NINL: variants seen among roughly 807,000 people sequenced by gnomAD.
NINL encodes the protein ninein-like protein.
Under a neutral mutation model 160.3 loss-of-function variants are expected in NINL, and 153 were observed. The observed-to-expected ratio is 0.95, with a 90% CI of 0.84 to 1.09. The LOEUF (loss-of-function observed/expected upper bound fraction) is 1.09. Ranked by LOEUF, NINL falls within the 50% of genes least tolerant of loss-of-function variation. NINL has a pLI of 0.00. For synonymous variants in NINL, 800 were observed against 734.8 expected, an observed-to-expected ratio of 1.09 and a Z score of -1.43; for missense variants, 1,829 against 1,764.0, an observed-to-expected ratio of 1.04 and a Z score of -0.66.
intron 5 of NINL, among the ~76,000 whole-genome samples, chr20:25,505,820 TGG>T (rs1374190528): frequency 6.6e-6 from 1 of 152,128 alleles, no homozygotes; most frequent in Non-Finnish European, 1.5e-5. Flanking sequence ...TGGAATTAGG[TGG>T]TTGGTACATG....
intron 1 of NINL, among the ~76,000 whole-genome samples, chr20:25,546,161 C>T (rs1230943114): frequency 1.3e-5 from 2 of 152,080 alleles, no homozygotes; most frequent in Non-Finnish European, 2.9e-5. Context: ...CCCCAGGCCA[C>T]GGTCAATCAT....
intron 7 of NINL, among the ~76,000 whole-genome samples, chr20:25,503,623 C>T (rs553443924): frequency 6.6e-6 from 1 of 152,274 alleles, no homozygotes; most frequent in East Asian, 1.9e-4. Context: ...CCTGAGCTGC[C>T]ATGTTCCTCA....
rs1044919418 is a variant in NINL, at chr20:25,563,100, A to G, written c.-12+22355T>C. ...AGAATGGCGTGAACCTGGGAGGTGG[A>G]GCTTGGAGTGAGCCAAGATGGCGCC... On this transcript the variant is annotated intron_variant, in intron 1 of 23. Transcript: ENST00000278886. 2.0e-5 allele frequency among the ~76,000 whole-genome samples: 3 copies of G among 152,220 alleles called. No homozygotes were observed. In the South Asian group the frequency reaches 6.2e-4, roughly 32 times the overall value.
chr20:25,499,356 G>T, intron 8 of NINL: 2 of 473,510 alleles, frequency 4.2e-6, no homozygotes, highest in South Asian at 8.9e-5. Flanking sequence ...ATCATGAAGC[G>T]AGGGAGAAGC....
intron 1 of NINL, among the ~76,000 whole-genome samples, chr20:25,582,152 G>C (rs1263047831): frequency 6.6e-6 from 1 of 152,162 alleles, no homozygotes; most frequent in Non-Finnish European, 1.5e-5. Context: ...CTACTCAGGA[G>C]GCTGAGGCAG....
In NINL at chr20:25,528,412, A is replaced by C. The variant is rs141058574; in HGVS notation, c.-11-1814T>G. On this transcript the variant is annotated intron_variant, in intron 1 of 23. Coordinates refer to ENST00000278886, the MANE Select transcript of NINL (RefSeq NM_025176.6). ...AAACTTTATAATAATAGTAATAACT[A>C]ATCTACTTACTGGTCACTTTACATA... 2.8e-3 allele frequency among the ~76,000 whole-genome samples: 419 copies of C among 152,326 alleles called. 2 individuals carry two copies. Among genetic ancestry groups the C allele is most frequent in the Middle Eastern group, 6.8e-3 (2 of 294 alleles).
At chr20:25,478,305 G>A (rs920534437) in intron 16 of NINL, among the ~76,000 whole-genome samples, 22 of 152,258 alleles carry the variant, frequency 1.4e-4, no homozygotes, top group Admixed American at 1.3e-4. Context: ...GGGAGGGCCC[G>A]TCCTCTTCTA....
chr20:25,463,811 T>C (rs2062847369), intron 19 of NINL, among the ~76,000 whole-genome samples: 1 of 152,204 alleles, frequency 6.6e-6, no homozygotes, highest in Non-Finnish European at 1.5e-5. Flanking sequence ...TTACTCAAGA[T>C]TAGGGAGTCC....
rs771586359 is a variant in NINL at position 25,476,967 on chromosome 20, C to G, written c.2324G>C (p.Arg775Thr). The change falls in exon 17 of 24, where the codon AGG becomes ACG. Residue 775 changes from arginine (R) to threonine (T), a missense_variant. Arg to Thr is a moderately conservative substitution (Grantham distance 71, BLOSUM62 -1). Coordinates refer to ENST00000278886, the MANE Select transcript of NINL (RefSeq NM_025176.6). ...PQGPLPRGSQ[R>T]SEQLELERAL... ...CCTCTCCAGCTCCAGCTGCTCCGAC[C>G]TCTGGCTCCCGCGTGGCAGGGGTCC... is the stretch of plus-strand genomic sequence containing the variant. The G allele has an allele frequency of 1.5e-5, 24 of 1,607,976 alleles. No homozygotes were observed. Among genetic ancestry groups the G allele is most frequent in the Admixed American group, 6.7e-5 (4 of 59,976 alleles).
chr20:25,490,877 A>G (rs984732361), intron 11 of NINL, among the ~76,000 whole-genome samples: 14 of 151,948 alleles, frequency 9.2e-5, no homozygotes, highest in African/African-American at 3.1e-4. Flanking sequence ...AAGGGCCAGC[A>G]CCTCTGTCCC....
intron 1 of NINL, among the ~76,000 whole-genome samples, chr20:25,548,702 G>T (rs1444143371): frequency 9.9e-6 from 1 of 101,008 alleles, no homozygotes; most frequent in African/African-American, 3.9e-5. Context: ...AGCCCCACCC[G>T]GGGCTGACCC....
intron 12 of NINL, among the ~76,000 whole-genome samples, chr20:25,489,554 C>T (rs73335331): frequency 0.021 from 3,119 of 152,042 alleles, 110 homozygotes; most frequent in African/African-American, 0.069. Flanking sequence ...ATCCCTGGAG[C>T]CCAGACCCTG....
At chr20:25,496,983 T>C (rs1411868073) in intron 9 of NINL, among the ~76,000 whole-genome samples, 180 bp from the exon 10 acceptor site, 1 of 152,202 alleles carries the variant, frequency 6.6e-6, no homozygotes, top group Admixed American at 6.5e-5. Flanking sequence ...GCTCATTTTA[T>C]AGATGTGTAC....
rs527628058 is a variant in NINL at position 25,461,637 on chromosome 20, T to G, written c.3583-2A>C. ...TCTAAGTTTTTGGATTTGGTCACTC[T>G]GTTTTTAAAAAATCAATTGCACAAG... is the stretch of plus-strand genomic sequence containing the variant. On this transcript the variant is annotated splice_acceptor_variant, in intron 20 of 23. Coordinates refer to ENST00000278886, the MANE Select transcript of NINL (RefSeq NM_025176.6). LOFTEE classifies it high-confidence loss of function. 17 of 1,599,416 alleles carry G rather than the reference T, an allele frequency of 1.1e-5. No individual in the cohort carries two copies. Among genetic ancestry groups the G allele is most frequent in the Non-Finnish European group, 1.3e-5 (15 of 1,167,536 alleles).
At chr20:25,582,708 T>C (rs1041803381) in intron 1 of NINL, among the ~76,000 whole-genome samples, 1 of 152,178 alleles carries the variant, frequency 6.6e-6, no homozygotes, top group Non-Finnish European at 1.5e-5. Flanking sequence ...CTCTAACACC[T>C]GAACATTTTC....
chr20:25,529,834 T>G (rs1232454539), intron 1 of NINL, among the ~76,000 whole-genome samples: 2 of 151,986 alleles, frequency 1.3e-5, no homozygotes, highest in African/African-American at 4.8e-5. Flanking sequence ...GAGCCAGACC[T>G]CGTCTCAAAA....
intron 2 of NINL, among the ~76,000 whole-genome samples, chr20:25,518,526 A>T (rs1263741435): frequency 6.6e-6 from 1 of 152,112 alleles, no homozygotes; most frequent in African/African-American, 2.4e-5. Flanking sequence ...TTTACATGAT[A>T]TTATCTTTTT....
intron 1 of NINL, among the ~76,000 whole-genome samples, chr20:25,529,129 C>T (rs141503395): frequency 6.6e-6 from 1 of 152,202 alleles, no homozygotes; most frequent in African/African-American, 2.4e-5. Flanking sequence ...TTAATGTTGG[C>T]CAGGTATGGT....
intron 1 of NINL, among the ~76,000 whole-genome samples, chr20:25,541,909 C>A (rs527499000): frequency 6.6e-6 from 1 of 152,292 alleles, no homozygotes; most frequent in African/African-American, 2.4e-5. Context: ...TGCACACCAG[C>A]AGGGCAGGAA....
Sources: allele counts gnomAD v4.1 joint callset (sites outside exome capture counted in the v4.1 genomes callset), GRCh38; gene constraint gnomAD v4.1.1; transcripts MANE v1.5; gene names NCBI Gene and HGNC (gene_info 2026-07-23, HGNC 2026-07-21).